Variants in SPAG17 observed in about 807,000 individuals in gnomAD.
The protein encoded by SPAG17 is sperm associated antigen 17.
A neutral mutation model predicts 273.6 loss-of-function variants in SPAG17; 169 were observed. That is an observed-to-expected ratio of 0.62 (90% CI 0.55 to 0.70). The LOEUF (loss-of-function observed/expected upper bound fraction) is 0.70. Among genes scored for constraint, SPAG17 ranks in the 30% least tolerant of loss-of-function variants. The probability of loss-of-function intolerance (pLI) is 0.00; values close to 1 mark genes in which losing one functional copy is unlikely to be tolerated. For missense variants in SPAG17, 2,557 were observed against 2,627.8 expected, an observed-to-expected ratio of 0.97 and a Z score of 0.59; for synonymous variants, 825 against 873.2, an observed-to-expected ratio of 0.94 and a Z score of 0.97.
chr1:117,996,264 T>C (rs1657638388), intron 34 of SPAG17, 106 bp downstream of exon 34: 5 of 1,359,120 alleles, frequency 3.7e-6, no homozygotes, highest in Admixed American at 2.5e-5. Flanking sequence ...AGCAGAAAAG[T>C]GAGCAAAGCG....
intron 3 of SPAG17, among the ~76,000 whole-genome samples, chr1:118,117,516 C>T (rs1467660049): frequency 6.6e-6 from 1 of 152,160 alleles, no homozygotes; most frequent in Non-Finnish European, 1.5e-5. Flanking sequence ...TGGTTTCAAA[C>T]AAAAATCTGG....
intron 36 of SPAG17, 92 bp downstream of exon 36, chr1:117,992,374 A>G: frequency 8.0e-7 from 1 of 1,252,534 alleles, no homozygotes; most frequent in Non-Finnish European, 1.1e-6. Flanking sequence ...AAATATTGGT[A>G]GAATTACATA....
At chr1:118,102,469 T>A (rs1656132047) in intron 4 of SPAG17, among the ~76,000 whole-genome samples, 1 of 152,208 alleles carries the variant, frequency 6.6e-6, no homozygotes, top group Admixed American at 6.5e-5. Flanking sequence ...AAAAGATTAT[T>A]TGGGGAACTT....
chr1:118,005,653 T>C (rs1283907735), intron 31 of SPAG17, 51 bp from the exon 32 acceptor site: 1 of 1,320,542 alleles, frequency 7.6e-7, no homozygotes. Flanking sequence ...TTGTTAAATA[T>C]GTGGGACTTG....
At chr1:118,048,642 A>T (rs1571338884) in intron 20 of SPAG17, among the ~76,000 whole-genome samples, 1 of 152,230 alleles carries the variant, frequency 6.6e-6, no homozygotes, top group African/African-American at 2.4e-5. Context: ...TCACGCCTAT[A>T]ATCCCAGCAC....
chr1:118,114,347 T>G (rs1352284149), intron 4 of SPAG17, among the ~76,000 whole-genome samples: 1 of 152,152 alleles, frequency 6.6e-6, no homozygotes, highest in Non-Finnish European at 1.5e-5. Flanking sequence ...AGCCCTATAT[T>G]GAAAATGGAA....
At chr1:118,080,651 T>A (rs550940907) in intron 15 of SPAG17, among the ~76,000 whole-genome samples, 1 of 152,310 alleles carries the variant, frequency 6.6e-6, no homozygotes, top group South Asian at 2.1e-4. Context: ...CCTCCTCATA[T>A]AGCACTAATA....
In SPAG17 at chr1:117,992,661, C is replaced by G. The variant is rs372410445; in HGVS notation, c.5179-13G>C. 3 of 1,562,072 alleles carry G rather than the reference C, an allele frequency of 1.9e-6. No individual in the cohort carries two copies. In the African/African-American group the frequency reaches 4.2e-5, roughly 22 times the overall value. ...CTGGAGTTTTTTTCTGTTAACAAAA[C>G]AAAGCAATAACACCACCAAAGAAAT... On this transcript the variant is annotated splice_polypyrimidine_tract_variant and intron_variant, in intron 35 of 48. Coordinates refer to ENST00000336338, the MANE Select transcript of SPAG17 (RefSeq NM_206996.4).
chr1:118,094,554 A>G (rs1048944252), intron 7 of SPAG17, among the ~76,000 whole-genome samples: 2 of 152,224 alleles, frequency 1.3e-5, no homozygotes, highest in African/African-American at 4.8e-5. Context: ...GGCTCCTTGG[A>G]TGGATCCTAT....
chr1:118,067,202 A>T (rs1425731550), intron 17 of SPAG17, among the ~76,000 whole-genome samples: 1 of 152,222 alleles, frequency 6.6e-6, no homozygotes, highest in Non-Finnish European at 1.5e-5. Flanking sequence ...GCAGTCATTT[A>T]TCTAGCATTT....
chr1:118,040,116 A>T (rs1315454559), intron 22 of SPAG17, among the ~76,000 whole-genome samples: 1 of 152,126 alleles, frequency 6.6e-6, no homozygotes, highest in Non-Finnish European at 1.5e-5. Context: ...CCAACAACGC[A>T]TTCTCTTTTT....
chr1:118,170,602 ACAT>A (rs1469366326), intron 1 of SPAG17, among the ~76,000 whole-genome samples: 2 of 152,208 alleles, frequency 1.3e-5, no homozygotes, highest in Non-Finnish European at 2.9e-5. Flanking sequence ...AATGAAATAA[ACAT>A]CATTTAATAT....
chr1:118,012,579 G>C (rs1659591708), intron 29 of SPAG17, among the ~76,000 whole-genome samples: 1 of 152,226 alleles, frequency 6.6e-6, no homozygotes, highest in African/African-American at 2.4e-5. Context: ...TAGGCTTAGA[G>C]AAGTTGAGAA....
At chr1:118,104,836 G>A (rs781679300) in intron 4 of SPAG17, among the ~76,000 whole-genome samples, 13 of 152,160 alleles carry the variant, frequency 8.5e-5, no homozygotes, top group African/African-American at 2.4e-4. Flanking sequence ...AACTGTTTCT[G>A]GAAGTTTGGT....
intron 3 of SPAG17, among the ~76,000 whole-genome samples, chr1:118,116,020 T>C (rs1657055834): frequency 2.0e-5 from 3 of 152,120 alleles, no homozygotes; most frequent in Non-Finnish European, 4.4e-5. Flanking sequence ...CTAATTGGGG[T>C]GAAATAAGGT....
intron 6 of SPAG17, 119 bp from the exon 7 acceptor site, chr1:118,097,970 TA>T (rs1655825306): frequency 7.6e-6 from 4 of 526,450 alleles, no homozygotes; most frequent in Non-Finnish European, 1.2e-5. Context: ...AAAATGTAAA[TA>T]AAGGAATGTA....
chr1:118,057,889 T>C (rs1651871439), intron 18 of SPAG17, among the ~76,000 whole-genome samples: 2 of 151,638 alleles, frequency 1.3e-5, no homozygotes, highest in Non-Finnish European at 1.5e-5. Context: ...ACTCCAGATA[T>C]AAGATAAAAA....
intron 3 of SPAG17, among the ~76,000 whole-genome samples, chr1:118,124,496 A>G (rs1657594521): frequency 6.6e-6 from 1 of 152,366 alleles, no homozygotes; most frequent in South Asian, 2.1e-4. Flanking sequence ...TTAAATAAAC[A>G]TAAGAATGGC....
At chr1:118,073,732 T>C (rs758553910) in intron 17 of SPAG17, 122 bp downstream of exon 17, 37 of 600,526 alleles carry the variant, frequency 6.2e-5, no homozygotes, top group Non-Finnish European at 1.0e-4. Context: ...ATAGCTGAAG[T>C]AAAGGAGACT....
Sources: allele counts gnomAD v4.1 joint callset (sites outside exome capture counted in the v4.1 genomes callset), GRCh38; gene constraint gnomAD v4.1.1; transcripts MANE v1.5; gene names NCBI Gene and HGNC (gene_info 2026-07-23, HGNC 2026-07-21).